The following RNFT2 variants were observed in gnomAD, a reference collection of about 807,000 sequenced individuals.
RNFT2 encodes the protein E3 ubiquitin-protein ligase RNFT2.
Under a neutral mutation model 53.0 loss-of-function variants are expected in RNFT2, and 36 were observed. That is an observed-to-expected ratio of 0.68 (90% CI 0.52 to 0.90). The LOEUF is 0.90. RNFT2 is among the 40% of genes least tolerant of loss of function. The pLI is 0.00. For synonymous variants in RNFT2, 260 were observed against 253.2 expected (o/e 1.03, Z -0.26); for missense variants, 514 against 585.6 (o/e 0.88, Z 1.26).
Position 116,849,643 on chromosome 12 carries a change from C to T in RNFT2, c.*195C>T, listed in dbSNP as rs1308897801. On this transcript the variant is annotated 3_prime_UTR_variant, in exon 11 of 11. Transcript: ENST00000257575. ...TCCTCTCTCGTTCTGTGGTATAGTG[C>T]GTGCCTCCTTCCCCTGCAAAAGGGG... 1.1e-5 allele frequency: 14 copies of T among 1,316,032 alleles called. No individual in the cohort carries two copies. The highest frequency in any genetic ancestry group is 2.7e-5 in the East Asian group (1 of 37,160). The allele number at this position is 1,316,032 out of a possible 1,614,324, so 81.5% of individuals were successfully genotyped here.
chr12:116,787,598 C>T (rs1014253467), intron 7 of RNFT2, among the ~76,000 whole-genome samples: 1 of 152,008 alleles, frequency 6.6e-6, no homozygotes, highest in Admixed American at 6.6e-5. Flanking sequence ...CACCTGTAGT[C>T]CCAGCCAATT....
intron 10 of RNFT2, among the ~76,000 whole-genome samples, chr12:116,837,202 A>C (rs549990041): frequency 6.6e-6 from 1 of 152,262 alleles, no homozygotes; most frequent in East Asian, 1.9e-4. Context: ...TCAATTCAGC[A>C]AATGTGTATT....
intron 6 of RNFT2, among the ~76,000 whole-genome samples, chr12:116,777,694 C>T (rs1873497512): frequency 6.6e-6 from 1 of 152,168 alleles, no homozygotes; most frequent in South Asian, 2.1e-4. Flanking sequence ...ATCATCACTG[C>T]TGCACCGCAG....
At chr12:116,776,653 A>G (rs912735186) in intron 6 of RNFT2, among the ~76,000 whole-genome samples, 9 of 152,172 alleles carry the variant, frequency 5.9e-5, no homozygotes, top group Admixed American at 4.6e-4. Context: ...CTCATTTTGC[A>G]CCTTTTTCTG....
At chr12:116,774,474 G>A (rs139738896) in intron 6 of RNFT2, among the ~76,000 whole-genome samples, 233 of 152,274 alleles carry the variant, frequency 1.5e-3, no homozygotes, top group African/African-American at 5.0e-3. Context: ...CTGCATAAGC[G>A]AATGCTAATC....
rs977863227 is a variant in RNFT2, at chr12:116,766,699, G to C, written c.628-115G>C. On this transcript the variant is annotated intron_variant, in intron 5 of 10. Coordinates refer to ENST00000257575, the MANE Select transcript of RNFT2 (RefSeq NM_001382266.1). ...GCCAATGCCCTTCCTTTCACCTTCA[G>C]CACCACTTCCTTCAAAATGTTGACA... 71 of 780,604 alleles carry C rather than the reference G, an allele frequency of 9.1e-5. No homozygotes were observed. The African/African-American group carries it at 9.3e-4, about 10-fold the overall frequency. The allele number at this position is 780,604 out of a possible 1,614,324, so 48.4% of individuals were successfully genotyped here.
intron 7 of RNFT2, among the ~76,000 whole-genome samples, chr12:116,780,616 G>A (rs1873652011): frequency 6.6e-6 from 1 of 151,454 alleles, no homozygotes; most frequent in African/African-American, 2.4e-5. Flanking sequence ...CTTAGATGAA[G>A]CCGCAGCTCT....
chr12:116,758,083 C>T lies in RNFT2; in HGVS notation c.627+4023C>T, dbSNP rs185409335. Among the ~76,000 whole-genome samples the T allele has an allele frequency of 4.8e-3, 735 of 152,292 alleles. 3 individuals are homozygous for T. The highest frequency in any genetic ancestry group is 7.6e-3 in the Non-Finnish European group (520 of 68,000). ...CCTTTTACCATTATATAATGTCCCT[C>T]TTTGTCTCTTTTAACCACTGTTGCT... On this transcript the variant is annotated intron_variant, in intron 5 of 10. Coordinates refer to ENST00000257575, the MANE Select transcript of RNFT2 (RefSeq NM_001382266.1).
intron 10 of RNFT2, among the ~76,000 whole-genome samples, chr12:116,847,889 A>T (rs919003642): frequency 6.6e-6 from 1 of 152,178 alleles, no homozygotes; most frequent in African/African-American, 2.4e-5. Context: ...CAGGATATAC[A>T]GGTTTGTTAC....
chr12:116,836,331 T>A, intron 10 of RNFT2, 49 bp downstream of exon 10: 1 of 1,469,418 alleles, frequency 6.8e-7, no homozygotes. Flanking sequence ...TGGGGGAGAG[T>A]AGGACCCTTC....
At chr12:116,770,669 C>T (rs1390659966) in intron 6 of RNFT2, among the ~76,000 whole-genome samples, 1 of 152,038 alleles carries the variant, frequency 6.6e-6, no homozygotes, top group African/African-American at 2.4e-5. Context: ...GCAATCTTCC[C>T]ACCTCAGACT....
intron 10 of RNFT2, among the ~76,000 whole-genome samples, chr12:116,842,973 C>T (rs990955673): frequency 4.6e-5 from 7 of 152,166 alleles, no homozygotes; most frequent in East Asian, 1.9e-4. Flanking sequence ...CCTGCTTTCT[C>T]GGCTCACGCT....
chr12:116,839,007 A>C (rs1426602530), intron 10 of RNFT2, among the ~76,000 whole-genome samples: 1 of 152,246 alleles, frequency 6.6e-6, no homozygotes, highest in Non-Finnish European at 1.5e-5. Flanking sequence ...TCCTAAAAGC[A>C]TTGAATGAAT....
intron 5 of RNFT2, among the ~76,000 whole-genome samples, chr12:116,754,913 A>G (rs148975226): frequency 6.6e-6 from 1 of 152,004 alleles, no homozygotes; most frequent in Non-Finnish European, 1.5e-5. Flanking sequence ...CAGATTGTGA[A>G]GATTTTCTCC....
chr12:116,853,313 C>G lies in RNFT2; in HGVS notation c.*3865C>G. ...ATCCTGCCCTTATTATTTTATGATT[C>G]ACTGACTCAAGTTCCACGAAGTCCT... On this transcript the variant is annotated 3_prime_UTR_variant, in exon 11 of 11. Transcript: ENST00000257575. 5.0e-6 allele frequency: 2 copies of G among 397,974 alleles called. No individual in the cohort carries two copies. Among genetic ancestry groups the G allele is most frequent in the Admixed American group, 8.8e-5 (2 of 22,702 alleles). The allele number at this position is 397,974 out of a possible 1,614,324, so 24.7% of individuals were successfully genotyped here.
intron 7 of RNFT2, among the ~76,000 whole-genome samples, chr12:116,825,278 C>T (rs892905313): frequency 6.6e-6 from 1 of 152,188 alleles, no homozygotes; most frequent in Non-Finnish European, 1.5e-5. Context: ...GGAGGGAGAA[C>T]AAGCAAAAGG....
chr12:116,819,729 C>T (rs921334861), intron 7 of RNFT2, among the ~76,000 whole-genome samples: 6 of 152,254 alleles, frequency 3.9e-5, no homozygotes, highest in Non-Finnish European at 5.9e-5. Context: ...CCTTCTCTTG[C>T]CTTTTTTCCT....
At chr12:116,764,132 C>T in intron 5 of RNFT2, among the ~76,000 whole-genome samples, 1 of 152,116 alleles carries the variant, frequency 6.6e-6, no homozygotes, top group Middle Eastern at 3.2e-3. Context: ...TGTTCTCACT[C>T]ATAAGTGGTA....
intron 10 of RNFT2, among the ~76,000 whole-genome samples, chr12:116,838,321 C>T (rs934468109): frequency 1.3e-5 from 2 of 152,226 alleles, no homozygotes; most frequent in African/African-American, 4.8e-5. Flanking sequence ...TTTAGAACTG[C>T]TCCTGGCACG....
Sources: gnomAD v4.1 joint callset for allele counts (sites outside exome capture counted in the v4.1 genomes callset) on GRCh38, gnomAD v4.1.1 for gene constraint, MANE v1.5 for transcripts, NCBI Gene and HGNC (gene_info 2026-07-23, HGNC 2026-07-21) for gene names.